MPHOSPH10: variants seen among roughly 807,000 people sequenced by gnomAD.
MPHOSPH10 encodes M-phase phosphoprotein 10, also known as U3 small nucleolar ribonucleoprotein MPP10.
A neutral mutation model predicts 77.3 loss-of-function variants in MPHOSPH10; 33 were observed. The ratio of observed to expected loss-of-function variants is 0.43; its 90% CI spans 0.32 to 0.57. The LOEUF is 0.57. MPHOSPH10 is among the 20% of genes least tolerant of loss of function. MPHOSPH10 has a pLI of 0.07. For missense variants in MPHOSPH10, 708 were observed against 780.1 expected (o/e 0.91, Z 1.10); for synonymous variants, 245 against 268.0 (o/e 0.91, Z 0.84).
intron 1 of MPHOSPH10, 143 bp downstream of exon 1, chr2:71,130,897 C>T (rs963400145): frequency 2.7e-6 from 2 of 731,360 alleles, no homozygotes; most frequent in East Asian, 5.7e-5. Context: ...TTTATGCTTT[C>T]CTAGGCTATC....
chr2:71,135,794 C>T lies in MPHOSPH10; in HGVS notation c.1098+997C>T, dbSNP rs551244939. On this transcript the variant is annotated intron_variant, in intron 4 of 10. Coordinates refer to ENST00000244230, the MANE Select transcript of MPHOSPH10 (RefSeq NM_005791.3). ...CTTAGCTCACTGCAACCTCCACCTC[C>T]CAGGTTCAATCAATTTTCCTGCCTC... Among the ~76,000 whole-genome samples the T allele has an allele frequency of 1.8e-4, 27 of 151,270 alleles. 1 individual carries two copies. In the East Asian group the frequency reaches 5.1e-3, roughly 29 times the overall value.
chr2:71,140,630 G>A (rs1323185053), intron 6 of MPHOSPH10, among the ~76,000 whole-genome samples: 2 of 152,106 alleles, frequency 1.3e-5, no homozygotes, highest in Non-Finnish European at 2.9e-5. Context: ...TTTCTCAATG[G>A]TGTATTTTTT....
intron 7 of MPHOSPH10, 171 bp from the exon 8 acceptor site, chr2:71,144,257 G>T: frequency 1.8e-6 from 1 of 547,336 alleles, no homozygotes; most frequent in Non-Finnish European, 3.2e-6. Flanking sequence ...ATCTCTGGTA[G>T]GTGCTGGAAC....
intron 5 of MPHOSPH10, 146 bp from the exon 6 acceptor site, chr2:71,139,649 T>A (rs2103671133): frequency 3.4e-6 from 2 of 594,084 alleles, no homozygotes; most frequent in East Asian, 5.9e-5. Flanking sequence ...TTCCCCACTT[T>A]CTGATTCAGG....
chr2:71,146,545 C>T (rs1673713080), intron 8 of MPHOSPH10, among the ~76,000 whole-genome samples: 1 of 152,054 alleles, frequency 6.6e-6, no homozygotes, highest in South Asian at 2.1e-4. Context: ...ACCATGTTAG[C>T]CAGGCTGGTC....
At position 71,133,104 on chromosome 2, in the gene MPHOSPH10, T is replaced by G; in HGVS notation, c.296T>G (p.Ile99Ser). The G allele has an allele frequency of 1.2e-6, 2 of 1,614,120 alleles. No homozygotes were observed. Among genetic ancestry groups the G allele is most frequent in the Non-Finnish European group, 8.5e-7 (1 of 1,180,004 alleles). Residue 99 changes from isoleucine (I) to serine (S), a missense_variant, in exon 2 of 11, where the codon ATT becomes AGT. Transcript: ENST00000244230. ...QYFQNAVSET[I>S]NDEDISLLPE... Reference sequence around the variant, plus strand: ...TTTCAGAATGCAGTTAGTGAAACAATTAATGATGAAGATATCAGTCTTCTC... The same window carrying G: ...TTTCAGAATGCAGTTAGTGAAACAAGTAATGATGAAGATATCAGTCTTCTC...
intron 4 of MPHOSPH10, among the ~76,000 whole-genome samples, chr2:71,137,902 CA>C (rs1316398043): frequency 1.4e-4 from 22 of 152,000 alleles, no homozygotes; most frequent in African/African-American, 5.1e-4. Flanking sequence ...CCTGTAATCC[CA>C]GCACTTGGTG....
At position 71,148,113 on chromosome 2, in the gene MPHOSPH10, A is replaced by G. The variant is rs373701358; in HGVS notation, c.1665+7A>G. On this transcript the variant is annotated splice_region_variant and intron_variant, in intron 9 of 10. Coordinates refer to ENST00000244230, the MANE Select transcript of MPHOSPH10 (RefSeq NM_005791.3). ...GGCCCCAGAGGAGATCAAGGTAAGAAGCCAATGTTGAAACCTTAAATGTCT... is the reference window on the plus strand; with the variant it reads ...GGCCCCAGAGGAGATCAAGGTAAGAGGCCAATGTTGAAACCTTAAATGTCT... 1.7e-5 allele frequency: 28 copies of G among 1,605,130 alleles called. No individual in the cohort carries two copies. The African/African-American group carries it at 3.5e-4, about 20-fold the overall frequency.
chr2:71,139,613 T>C (rs971695750), intron 5 of MPHOSPH10, among the ~76,000 whole-genome samples, 182 bp from the exon 6 acceptor site: 19 of 152,226 alleles, frequency 1.2e-4, no homozygotes, highest in African/African-American at 3.9e-4. Flanking sequence ...TCACAAGGCT[T>C]GTTAAAGCAC....
chr2:71,134,585 A>G (rs777031056), intron 3 of MPHOSPH10, 41 bp from the exon 4 acceptor site: 2 of 1,532,204 alleles, frequency 1.3e-6, no homozygotes, highest in Admixed American at 2.3e-5. Context: ...TTTCTAATGG[A>G]AAGTAGTATA....
At chr2:71,131,380 T>G (rs1673375549) in intron 1 of MPHOSPH10, among the ~76,000 whole-genome samples, 1 of 152,250 alleles carries the variant, frequency 6.6e-6, no homozygotes, top group South Asian at 2.1e-4. Context: ...AAAATTTTGG[T>G]ACTGTCAAGC....
chr2:71,130,823 G>T (rs1350838002), intron 1 of MPHOSPH10, 69 bp downstream of exon 1: 5 of 1,428,604 alleles, frequency 3.5e-6, no homozygotes, highest in African/African-American at 1.4e-5. Context: ...CAGGCCTCCG[G>T]CAAATTGTGG....
At chr2:71,138,991 G>A (rs1055454827) in intron 5 of MPHOSPH10, 3 of 521,266 alleles carry the variant, frequency 5.8e-6, no homozygotes, top group Non-Finnish European at 1.0e-5. Context: ...CCAAGGTTGT[G>A]CCAGTGTGCT....
At chr2:71,146,334 C>CTTTTT (rs778705527) in intron 8 of MPHOSPH10, among the ~76,000 whole-genome samples, 23 of 107,310 alleles carry the variant, frequency 2.1e-4, no homozygotes, top group Admixed American at 4.7e-4. Context: ...TTTTTTGTGG[C>CTTTTT]TTTTTTTTTT....
intron 7 of MPHOSPH10, among the ~76,000 whole-genome samples, chr2:71,142,942 GC>G (rs1302502984): frequency 1.3e-5 from 2 of 152,100 alleles, no homozygotes; most frequent in Non-Finnish European, 2.9e-5. Flanking sequence ...AGCATTTGGG[GC>G]CAAAGGGGAC....
intron 6 of MPHOSPH10, 77 bp downstream of exon 6, chr2:71,139,939 A>G (rs1362604531): frequency 5.0e-6 from 5 of 1,009,638 alleles, no homozygotes; most frequent in Non-Finnish European, 7.5e-6. Flanking sequence ...CTTTGAGAGT[A>G]GGACTATTGC....
At chr2:71,130,903 C>G in intron 1 of MPHOSPH10, 149 bp downstream of exon 1, 2 of 717,716 alleles carry the variant, frequency 2.8e-6, no homozygotes, top group East Asian at 5.7e-5. Context: ...CTTTCCTAGG[C>G]TATCAAAATT....
intron 1 of MPHOSPH10, among the ~76,000 whole-genome samples, chr2:71,132,314 C>A (rs543680817): frequency 6.6e-6 from 1 of 152,260 alleles, no homozygotes; most frequent in African/African-American, 2.4e-5. Flanking sequence ...CAAATTCTTA[C>A]TCCTGAACCA....
chr2:71,139,953 T>G, intron 6 of MPHOSPH10, 91 bp downstream of exon 6: 2 of 897,384 alleles, frequency 2.2e-6, no homozygotes, highest in South Asian at 3.1e-5. Context: ...CTATTGCTTT[T>G]TATTTTCACT....
Sources: gnomAD v4.1 joint callset for allele counts (sites outside exome capture counted in the v4.1 genomes callset) on GRCh38, gnomAD v4.1.1 for gene constraint, MANE v1.5 for transcripts, NCBI Gene and HGNC (gene_info 2026-07-23, HGNC 2026-07-21) for gene names.